GRK3: variants seen among roughly 807,000 people sequenced by gnomAD.
GRK3 encodes the protein adrenergic, beta, receptor kinase 2.
Under a neutral mutation model 95.7 loss-of-function variants are expected in GRK3, and 54 were observed. The observed-to-expected ratio is 0.56, with a 90% CI of 0.45 to 0.71. The LOEUF (loss-of-function observed/expected upper bound fraction) is 0.71. Ranked by LOEUF, GRK3 falls within the 30% of genes least tolerant of loss-of-function variation. GRK3 has a pLI of 0.00. For missense variants in GRK3, 649 were observed against 851.2 expected (o/e 0.76, Z 2.96); for synonymous variants, 281 against 290.8 (o/e 0.97, Z 0.34).
intron 3 of GRK3, among the ~76,000 whole-genome samples, chr22:25,658,989 A>G (rs545836990): frequency 6.6e-6 from 1 of 152,180 alleles, no homozygotes; most frequent in East Asian, 1.9e-4. Context: ...TTAGATATTT[A>G]GAATCTGGAG....
chr22:25,703,671 G>A, intron 14 of GRK3, 95 bp downstream of exon 14: 1 of 934,562 alleles, frequency 1.1e-6, no homozygotes, highest in Non-Finnish European at 1.6e-6. Flanking sequence ...AAATGTTATA[G>A]GAAATATAAA....
chr22:25,580,075 G>C (rs1381713278), intron 1 of GRK3, among the ~76,000 whole-genome samples: 1 of 152,176 alleles, frequency 6.6e-6, no homozygotes, highest in African/African-American at 2.4e-5. Context: ...TGGTGGACTT[G>C]AATATGATCA....
intron 3 of GRK3, chr22:25,647,664 C>T (rs1429286612): frequency 7.1e-7 from 1 of 1,405,480 alleles, no homozygotes; most frequent in Non-Finnish European, 1.0e-6. Context: ...CAAGATCAAT[C>T]ACTACAGGAA....
At chr22:25,606,925 G>GA (rs2084453597) in intron 2 of GRK3, among the ~76,000 whole-genome samples, 1 of 152,232 alleles carries the variant, frequency 6.6e-6, no homozygotes, top group African/African-American at 2.4e-5. Context: ...TGAGGCTGTT[G>GA]AGAGGGTTTA....
chr22:25,603,982 C>T (rs2084426600), intron 1 of GRK3, among the ~76,000 whole-genome samples: 1 of 152,032 alleles, frequency 6.6e-6, no homozygotes, highest in African/African-American at 2.4e-5. Flanking sequence ...GAAAGAAGCT[C>T]ATTTATTGAT....
intron 2 of GRK3, among the ~76,000 whole-genome samples, chr22:25,609,564 T>G (rs576414931): frequency 1.2e-4 from 18 of 152,256 alleles, no homozygotes; most frequent in African/African-American, 4.3e-4. Context: ...GCTCCTGACC[T>G]TGTGATCTGC....
At position 25,647,738 on chromosome 22, in the gene GRK3, A is replaced by G. The variant is rs555209765; in HGVS notation, c.264+3073A>G. 8.8e-5 allele frequency: 109 copies of G among 1,231,916 alleles called. No individual in the cohort carries two copies. The African/African-American group carries it at 1.5e-3, about 17-fold the overall frequency. 76.3% of individuals were successfully genotyped at this position (1,231,916 alleles called of 1,614,324 possible). A position where few individuals can be genotyped will look rare whatever the true frequency, so the allele number is the denominator to read the frequency against. On this transcript the variant is annotated intron_variant, in intron 3 of 20. Coordinates refer to ENST00000324198, the MANE Select transcript of GRK3 (RefSeq NM_005160.4). The stretch of plus-strand genomic sequence containing the variant: ...GATTCCATTCAGGCAGAAGAATGGT[A>G]TTTTGGCAAAATGGGGAGAAAAGAT...
intron 9 of GRK3, among the ~76,000 whole-genome samples, chr22:25,679,571 T>C (rs1456769855): frequency 6.6e-6 from 1 of 152,252 alleles, no homozygotes; most frequent in African/African-American, 2.4e-5. Context: ...TTTCTGTTAA[T>C]GGTATTACCC....
rs185152760 is a variant in GRK3, at chr22:25,611,658, T to C, written c.190+7205T>C. On this transcript the variant is annotated intron_variant, in intron 2 of 20. Transcript: ENST00000324198. The stretch of plus-strand genomic sequence containing the variant: ...TTAAATCTTTTACCCATCCTGAAAT[T>C]TGGATTGTCTTTATGTTATTTGTTG... Among the ~76,000 whole-genome samples the C allele has an allele frequency of 3.2e-3, 487 of 152,316 alleles. 1 individual carries two copies. The highest frequency in any genetic ancestry group is 0.011 in the African/African-American group (463 of 41,576).
At chr22:25,663,996 T>C (rs1342284780) in intron 5 of GRK3, among the ~76,000 whole-genome samples, 1 of 152,256 alleles carries the variant, frequency 6.6e-6, no homozygotes, top group Non-Finnish European at 1.5e-5. Flanking sequence ...AGCAAGTTTT[T>C]GCCCATTTGA....
intron 16 of GRK3, among the ~76,000 whole-genome samples, chr22:25,710,307 C>T (rs1243557259): frequency 6.6e-6 from 1 of 152,030 alleles, no homozygotes; most frequent in Non-Finnish European, 1.5e-5. Context: ...AGTTTTTGCT[C>T]TTCTTCTTGA....
At chr22:25,607,529 C>T (rs113117792) in intron 2 of GRK3, among the ~76,000 whole-genome samples, 5 of 152,022 alleles carry the variant, frequency 3.3e-5, no homozygotes, top group South Asian at 2.1e-4. Context: ...GAATGTTCCA[C>T]GTTCTGGGCT....
At chr22:25,709,094 G>A (rs1194593194) in intron 15 of GRK3, among the ~76,000 whole-genome samples, 1 of 149,184 alleles carries the variant, frequency 6.7e-6, no homozygotes, top group East Asian at 2.0e-4. Context: ...CTGGAGTCCA[G>A]TGGCGCAATC....
intron 1 of GRK3, among the ~76,000 whole-genome samples, chr22:25,570,640 A>G (rs1439819143): frequency 6.6e-6 from 1 of 152,206 alleles, no homozygotes; most frequent in Non-Finnish European, 1.5e-5. Flanking sequence ...GAAATGATTA[A>G]TTTGGCAACT....
rs2085447267 is a variant in GRK3, at chr22:25,723,145, A to T, written c.*695A>T. 6.6e-6 allele frequency: 1 copy of T among 152,232 alleles called. No individual in the cohort carries two copies. The highest frequency in any genetic ancestry group is 2.4e-5 in the African/African-American group (1 of 41,412). The allele number at this position is 152,232 out of a possible 1,614,324, so 9.4% of individuals were successfully genotyped here. A position where few individuals can be genotyped will look rare whatever the true frequency, so the allele number is the denominator to read the frequency against. ...CATTCATCCGTCCATCATTGGAAAG[A>T]TTTACAGTGATTCTGAAGGACAGGC... On this transcript the variant is annotated 3_prime_UTR_variant, in exon 21 of 21. Coordinates refer to ENST00000324198, the MANE Select transcript of GRK3 (RefSeq NM_005160.4).
chr22:25,640,404 C>T lies in GRK3; in HGVS notation c.191-4188C>T, dbSNP rs558394860. On this transcript the variant is annotated intron_variant, in intron 2 of 20. Transcript: ENST00000324198. Reference sequence around the variant, plus strand: ...TCTGTCTCTTACACTAATCCGTAAGCGCTTTATTGGAAAAACACTGTTTTC... The same window carrying T: ...TCTGTCTCTTACACTAATCCGTAAGTGCTTTATTGGAAAAACACTGTTTTC... 2.2e-4 allele frequency among the ~76,000 whole-genome samples: 34 copies of T among 152,242 alleles called. 1 individual carries two copies. Among genetic ancestry groups the T allele is most frequent in the Non-Finnish European group, 3.4e-4 (23 of 67,996 alleles).
intron 3 of GRK3, chr22:25,649,225 AAAACTTCT>A: frequency 7.9e-7 from 1 of 1,267,030 alleles, no homozygotes; most frequent in Middle Eastern, 2.1e-4. Context: ...CAGCCAGGAG[AAAACTTCT>A]AATTCAAGTA....
At position 25,724,145 on chromosome 22, in the gene GRK3, C is replaced by CACACACAT. The variant is rs1279301824; in HGVS notation, c.*1701_*1702insATACACAC. On this transcript the variant is annotated 3_prime_UTR_variant, in exon 21 of 21. Coordinates refer to ENST00000324198, the MANE Select transcript of GRK3 (RefSeq NM_005160.4). The stretch of plus-strand genomic sequence containing the variant: ...ACACACACACACACACACACACACA[C>CACACACAT]ACACACTCCAGAAGCAGAAAAGCCA... The CACACACAT allele has an allele frequency of 6.6e-6, 1 of 152,180 alleles. No individual in the cohort carries two copies. The highest frequency in any genetic ancestry group is 2.4e-5 in the African/African-American group (1 of 41,284). 9.4% of individuals were successfully genotyped at this position (152,180 alleles called of 1,614,324 possible).
intron 1 of GRK3, among the ~76,000 whole-genome samples, chr22:25,587,136 C>G (rs575824475): frequency 2.0e-5 from 3 of 152,310 alleles, no homozygotes; most frequent in Middle Eastern, 6.8e-3. Flanking sequence ...GGTGATCCCC[C>G]TGCCTCAGCC....
Sources: allele counts gnomAD v4.1 joint callset (sites outside exome capture counted in the v4.1 genomes callset), GRCh38; gene constraint gnomAD v4.1.1; transcripts MANE v1.5; gene names NCBI Gene and HGNC (gene_info 2026-07-23, HGNC 2026-07-21).